ZNF562: variants seen among roughly 807,000 people sequenced by gnomAD.
ZNF562 encodes zinc finger protein 562.
Under a neutral mutation model 17.5 loss-of-function variants are expected in ZNF562, and 13 were observed. The observed-to-expected ratio is 0.74, with a 90% CI of 0.48 to 1.18. The LOEUF is 1.18. Among genes scored for constraint, ZNF562 ranks in the 50% most tolerant of loss-of-function variants. The pLI is 0.00. For missense variants in ZNF562, 481 were observed against 498.5 expected, an observed-to-expected ratio of 0.96 and a Z score of 0.33; for synonymous variants, 163 against 165.4, an observed-to-expected ratio of 0.99 and a Z score of 0.11.
chr19:9,659,929 TAAAAAAAAAAAAAAAAAAAAAAAA>T (rs763657709), intron 2 of ZNF562, among the ~76,000 whole-genome samples: 84 of 37,372 alleles, frequency 2.2e-3, no homozygotes, highest in Admixed American at 0.018. Context: ...CCGTCTCTAC[TAAAAAAAAAAAAAAAAAAAAAAAA>T]AAAAAAAAAA....
At chr19:9,672,911 C>A (rs919285332) in intron 1 of ZNF562, among the ~76,000 whole-genome samples, 1 of 151,566 alleles carries the variant, frequency 6.6e-6, no homozygotes, top group Non-Finnish European at 1.5e-5. Flanking sequence ...TCCGGAGTAG[C>A]TGTGTAAGAT....
Position 9,652,114 on chromosome 19 carries a change from T to C in ZNF562, c.*835A>G, listed in dbSNP as rs1429051640. The C allele has an allele frequency of 6.6e-6, 1 of 152,230 alleles. No homozygotes were observed. Among genetic ancestry groups the C allele is most frequent in the Middle Eastern group, 3.1e-3 (1 of 318 alleles). The allele number at this position is 152,230 out of a possible 1,614,324, so 9.4% of individuals were successfully genotyped here. A position where few individuals can be genotyped will look rare whatever the true frequency, so the allele number is the denominator to read the frequency against. The stretch of plus-strand genomic sequence containing the variant: ...ATAAAGAGATCATGAGTGGGATTCA[T>C]GGACTATATCAGCCATCTTAACAGA... On this transcript the variant is annotated 3_prime_UTR_variant, in exon 6 of 6. Coordinates refer to ENST00000453372, the MANE Select transcript of ZNF562 (RefSeq NM_001130031.2).
chr19:9,653,560 C>T lies in ZNF562; in HGVS notation c.670G>A (p.Gly224Arg), dbSNP rs1433733590. The T allele has an allele frequency of 5.0e-6, 8 of 1,614,022 alleles. No homozygotes were observed. The highest frequency in any genetic ancestry group is 4.0e-5 in the African/African-American group (3 of 74,928). The change falls in exon 6 of 6, where the codon GGA becomes AGA. Residue 224 changes from glycine to arginine, a missense_variant. Around this residue, in one of 2 missense-constraint regions of ZNF562, gnomAD observed 403 missense variants for 386.4 expected, o/e 1.04. Transcript: ENST00000453372. ...CAGAGTTTCTCTCCAATGTGGATTC[C>T]CATGTGATTATCAAGGCTTGCAAAA... ...KYFASLDNHM[G>R]IHIGEKLCEF...
chr19:9,648,015 G>A lies in ZNF562; in HGVS notation c.*4934C>T, dbSNP rs1324229901. ...TTGCCTCAGCCTCCAAAAGTGCTGGGATTACAGGCCTGAGCCACTATTCCC... is the reference window on the plus strand; with the variant it reads ...TTGCCTCAGCCTCCAAAAGTGCTGGAATTACAGGCCTGAGCCACTATTCCC... On this transcript the variant is annotated 3_prime_UTR_variant, in exon 6 of 6. Coordinates refer to ENST00000453372, the MANE Select transcript of ZNF562 (RefSeq NM_001130031.2). 2 of 152,160 alleles carry A rather than the reference G, an allele frequency of 1.3e-5. No homozygotes were observed. The highest frequency in any genetic ancestry group is 2.9e-5 in the Non-Finnish European group (2 of 68,038). 9.4% of individuals were successfully genotyped at this position (152,160 alleles called of 1,614,324 possible).
At chr19:9,668,103 T>A (rs1002600803) in intron 1 of ZNF562, among the ~76,000 whole-genome samples, 1 of 152,112 alleles carries the variant, frequency 6.6e-6, no homozygotes, top group East Asian at 1.9e-4. Flanking sequence ...GCACCAGGCA[T>A]GATGACTCAC....
rs771952982 is a variant in ZNF562, at chr19:9,653,918, C to A, written c.349-37G>T. 2.0e-6 allele frequency: 3 copies of A among 1,490,362 alleles called. No individual in the cohort carries two copies. In the Admixed American group the frequency reaches 7.0e-5, roughly 35 times the overall value. 92.3% of individuals were successfully genotyped at this position (1,490,362 alleles called of 1,614,324 possible). A position where few individuals can be genotyped will look rare whatever the true frequency, so the allele number is the denominator to read the frequency against. ...ATAAAGGATTTAAAATGTTTTCAGA[C>A]ATATTAAGAGATTTCACCCATCTGA... On this transcript the variant is annotated intron_variant, in intron 5 of 5. Transcript: ENST00000453372.
At position 9,643,896 on chromosome 19, in the gene ZNF562, A is replaced by T. The variant is rs2074789594; in HGVS notation, c.*9053T>A. 6.6e-6 allele frequency: 1 copy of T among 151,228 alleles called. No individual in the cohort carries two copies. Among genetic ancestry groups the T allele is most frequent in the African/African-American group, 2.4e-5 (1 of 41,080 alleles). The allele number at this position is 151,228 out of a possible 1,614,324, so 9.4% of individuals were successfully genotyped here. A position where few individuals can be genotyped will look rare whatever the true frequency, so the allele number is the denominator to read the frequency against. ...GAGTGCAGTGGTGTGATCTCGGTTC[A>T]CTGTAACCTCCTGCCTCAGCCTCCC... On this transcript the variant is annotated 3_prime_UTR_variant, in exon 6 of 6. Transcript: ENST00000453372.
chr19:9,660,088 CAAAAAAAA>C (rs1175978470), intron 2 of ZNF562, among the ~76,000 whole-genome samples: 11 of 48,278 alleles, frequency 2.3e-4, no homozygotes, highest in Admixed American at 5.0e-4. Context: ...GACTCCATCT[CAAAAAAAA>C]AAAAAAAAAA....
chr19:9,659,310 T>C, intron 3 of ZNF562, 69 bp downstream of exon 3: 1 of 1,379,976 alleles, frequency 7.2e-7, no homozygotes, highest in Non-Finnish European at 1.0e-6. Context: ...TGAGTCTGTC[T>C]AGAAGGAAAT....
chr19:9,658,670 A>AT (rs1199011510), intron 3 of ZNF562, among the ~76,000 whole-genome samples: 2 of 152,014 alleles, frequency 1.3e-5, no homozygotes, highest in Admixed American at 1.3e-4. Context: ...TTTTAAAAAA[A>AT]TTTTTAAATC....
intron 1 of ZNF562, among the ~76,000 whole-genome samples, chr19:9,671,148 C>A (rs184932557): frequency 3.1e-4 from 47 of 152,162 alleles, no homozygotes; most frequent in African/African-American, 1.1e-3. Flanking sequence ...GATGTTCCTA[C>A]AATATAGAAA....
At position 9,649,353 on chromosome 19, in the gene ZNF562, A is replaced by C. The variant is rs1003505107; in HGVS notation, c.*3596T>G. On this transcript the variant is annotated 3_prime_UTR_variant, in exon 6 of 6. Transcript: ENST00000453372. ...TGAAATCTGGGCACCTTGAAAAAAGAACAGGATAACAGCAATGTTTAGGAA... is the reference window on the plus strand; with the variant it reads ...TGAAATCTGGGCACCTTGAAAAAAGCACAGGATAACAGCAATGTTTAGGAA... The C allele has an allele frequency of 6.6e-6, 1 of 152,258 alleles. No individual in the cohort carries two copies. The highest frequency in any genetic ancestry group is 1.5e-5 in the Non-Finnish European group (1 of 68,050). 9.4% of individuals were successfully genotyped at this position (152,258 alleles called of 1,614,324 possible).
At chr19:9,657,226 A>G (rs1054109036) in intron 4 of ZNF562, among the ~76,000 whole-genome samples, 2 of 151,660 alleles carry the variant, frequency 1.3e-5, no homozygotes, top group African/African-American at 4.8e-5. Context: ...GAAAGCAGGA[A>G]AGATCAGGAT....
chr19:9,662,144 C>G (rs1480332352), intron 1 of ZNF562, among the ~76,000 whole-genome samples: 1 of 152,230 alleles, frequency 6.6e-6, no homozygotes, highest in Middle Eastern at 3.4e-3. Flanking sequence ...GAGCCTGATC[C>G]CCTGTATATG....
At chr19:9,656,500 G>A (rs746881659) in intron 5 of ZNF562, 47 bp downstream of exon 5, 134 of 1,598,054 alleles carry the variant, frequency 8.4e-5, no homozygotes, top group Non-Finnish European at 1.1e-4. Context: ...GCAAGACTCC[G>A]TCTCAAAAAA....
At chr19:9,664,738 G>A (rs532250771) in intron 1 of ZNF562, among the ~76,000 whole-genome samples, 17 of 152,264 alleles carry the variant, frequency 1.1e-4, no homozygotes, top group Admixed American at 3.9e-4. Context: ...GCAGAAGTTC[G>A]AGACCAGCTG....
chr19:9,655,873 C>G (rs574267758), intron 5 of ZNF562, among the ~76,000 whole-genome samples: 1 of 151,308 alleles, frequency 6.6e-6, no homozygotes, highest in Non-Finnish European at 1.5e-5. Context: ...ACTAGGATAA[C>G]GGGTGCCCAC....
At chr19:9,659,515 T>C (rs1433411091) in intron 2 of ZNF562, 48 bp from the exon 3 acceptor site, 2 of 1,539,102 alleles carry the variant, frequency 1.3e-6, no homozygotes, top group East Asian at 4.9e-5. Context: ...GCCCACATTC[T>C]TATGCCCAGA....
rs951326741 is a variant in ZNF562, at chr19:9,648,653, G to GT, written c.*4295dup. ...CCTTTCCATGCATTCACTTCTTCAA[G>GT]TTTTTTTTTTGTTTTGTTTTTGTTT... is the stretch of plus-strand genomic sequence containing the variant. On this transcript the variant is annotated 3_prime_UTR_variant, in exon 6 of 6. Coordinates refer to ENST00000453372, the MANE Select transcript of ZNF562 (RefSeq NM_001130031.2). 54 of 146,004 alleles carry GT rather than the reference G, an allele frequency of 3.7e-4. No homozygotes were observed. The highest frequency in any genetic ancestry group is 4.5e-4 in the Non-Finnish European group (30 of 66,232). The allele number at this position is 146,004 out of a possible 1,614,324, so 9.0% of individuals were successfully genotyped here. A position where few individuals can be genotyped will look rare whatever the true frequency, so the allele number is the denominator to read the frequency against.
Sources: gnomAD v4.1 joint callset for allele counts (sites outside exome capture counted in the v4.1 genomes callset) on GRCh38, gnomAD v4.1.1 for gene constraint, gnomAD v4.1.1 regional missense constraint, MANE v1.5 for transcripts, NCBI Gene and HGNC (gene_info 2026-07-23, HGNC 2026-07-21) for gene names.